KCNK10: variants seen among roughly 807,000 people sequenced by gnomAD.
KCNK10 encodes the protein potassium channel subfamily K member 10.
In KCNK10, 25 loss-of-function variants were observed where a neutral mutation model predicts 47.7. The observed-to-expected ratio is 0.52, with a 90% CI of 0.38 to 0.73. KCNK10 has a LOEUF of 0.73. Among genes scored for constraint, KCNK10 ranks in the 30% least tolerant of loss-of-function variants. The pLI, the probability that KCNK10 is intolerant of heterozygous loss-of-function variation, is 0.00. For missense variants in KCNK10, 563 were observed against 714.5 expected (o/e 0.79, Z 2.42); for synonymous variants, 303 against 285.6 (o/e 1.06, Z -0.61).
intron 2 of KCNK10, among the ~76,000 whole-genome samples, chr14:88,250,046 A>G (rs1886751045): frequency 1.3e-5 from 2 of 152,252 alleles, no homozygotes; most frequent in Admixed American, 6.5e-5. Context: ...AGGAGAACAA[A>G]CCCATGCACA....
At chr14:88,230,853 T>C (rs1886139668) in intron 3 of KCNK10, among the ~76,000 whole-genome samples, 1 of 152,230 alleles carries the variant, frequency 6.6e-6, no homozygotes, top group African/African-American at 2.4e-5. Context: ...ATGAGGCTAA[T>C]AACAGTACCC....
chr14:88,278,814 C>A (rs930941598), intron 1 of KCNK10, among the ~76,000 whole-genome samples: 1 of 152,118 alleles, frequency 6.6e-6, no homozygotes, highest in African/African-American at 2.4e-5. Context: ...GGAGGAGAAA[C>A]AAAGGCATAA....
At position 88,184,046 on chromosome 14, in the gene KCNK10, C is replaced by CA. The variant is rs1166434106; in HGVS notation, c.*1488dup. 3.2e-4 allele frequency: 48 copies of CA among 152,322 alleles called. No homozygotes were observed. Among genetic ancestry groups the CA allele is most frequent in the African/African-American group, 1.2e-3 (48 of 41,430 alleles). The allele number at this position is 152,322 out of a possible 1,614,324, so 9.4% of individuals were successfully genotyped here. On this transcript the variant is annotated 3_prime_UTR_variant, in exon 7 of 7. Transcript: ENST00000319231. ...CCCAAAGAGCTAGCTGTGAACCAGC[C>CA]AATTATGATAAAGACTGAGGCATAC...
chr14:88,190,427 A>G (rs567034612), intron 5 of KCNK10, among the ~76,000 whole-genome samples: 4 of 152,306 alleles, frequency 2.6e-5, no homozygotes, highest in Middle Eastern at 3.4e-3. Context: ...GCTACGGATG[A>G]TGCCAAGGGA....
chr14:88,192,471 A>G, intron 4 of KCNK10, 61 bp from the exon 5 acceptor site: 6 of 1,428,216 alleles, frequency 4.2e-6, no homozygotes, highest in Non-Finnish European at 5.8e-6. Flanking sequence ...TTCAGGATAT[A>G]GATGCACAGA....
Position 88,186,178 on chromosome 14 carries a change from A to G in KCNK10, c.1012-23T>C. The stretch of plus-strand genomic sequence containing the variant: ...CACCTGGCCAAGAGACAGAAGAGCA[A>G]CAATATGCTGACAAATGCCTCCCTG... On this transcript the variant is annotated intron_variant, in intron 6 of 6. Coordinates refer to ENST00000319231, the MANE Select transcript of KCNK10 (RefSeq NM_138317.3). The surrounding 1 kb of genome is among the most constrained non-coding windows in gnomAD (Gnocchi z 5.5). 6.4e-7 allele frequency: 1 copy of G among 1,551,476 alleles called. No homozygotes were observed. The highest frequency in any genetic ancestry group is 8.7e-7 in the Non-Finnish European group (1 of 1,148,346).
At chr14:88,265,524 A>T (rs1418788393) in intron 1 of KCNK10, among the ~76,000 whole-genome samples, 7 of 152,188 alleles carry the variant, frequency 4.6e-5, no homozygotes, top group Non-Finnish European at 1.0e-4. Flanking sequence ...TGAACTTCTG[A>T]CTTCCAGAAC....
At chr14:88,243,712 C>T (rs771450894) in intron 2 of KCNK10, among the ~76,000 whole-genome samples, 16 of 151,864 alleles carry the variant, frequency 1.1e-4, no homozygotes, top group Non-Finnish European at 2.9e-5. Flanking sequence ...GATTTTTATA[C>T]CCTAAGAGGG....
At chr14:88,255,849 G>T (rs535423823) in intron 2 of KCNK10, among the ~76,000 whole-genome samples, 1 of 152,098 alleles carries the variant, frequency 6.6e-6, no homozygotes, top group Non-Finnish European at 1.5e-5. Context: ...AAGAGAGCAA[G>T]ACCCTGTTTT....
At chr14:88,319,113 GA>G (rs1233919558) in intron 1 of KCNK10, among the ~76,000 whole-genome samples, 1 of 152,150 alleles carries the variant, frequency 6.6e-6, no homozygotes, top group African/African-American at 2.4e-5. Context: ...GCTCTTCATA[GA>G]AGTCTCTGTT....
intron 2 of KCNK10, among the ~76,000 whole-genome samples, chr14:88,254,190 T>G (rs941300978): frequency 1.3e-5 from 2 of 152,082 alleles, no homozygotes; most frequent in Non-Finnish European, 2.9e-5. Flanking sequence ...AGGACTGAAG[T>G]GAGCCAAGGA....
chr14:88,263,620 A>G, intron 1 of KCNK10, 69 bp from the exon 2 acceptor site: 1 of 1,355,286 alleles, frequency 7.4e-7, no homozygotes, highest in Non-Finnish European at 1.0e-6. Flanking sequence ...ACGTGTCAGA[A>G]ACAAAGCACA....
At chr14:88,240,645 A>G in intron 3 of KCNK10, 58 bp downstream of exon 3, 1 of 1,097,914 alleles carries the variant, frequency 9.1e-7, no homozygotes, top group Non-Finnish European at 1.4e-6. Flanking sequence ...AACACTGACT[A>G]AGCGCCCTTA....
chr14:88,241,765 T>C (rs1269246508), intron 2 of KCNK10, among the ~76,000 whole-genome samples: 1 of 152,184 alleles, frequency 6.6e-6, no homozygotes, highest in Non-Finnish European at 1.5e-5. Flanking sequence ...GGAGACTTAG[T>C]CTATGCATCA....
chr14:88,325,360 C>G (rs1056886403), upstream of KCNK10, among the ~76,000 whole-genome samples: 54 of 152,170 alleles, frequency 3.5e-4, 1 homozygote, highest in Admixed American at 3.3e-3. Flanking sequence ...GTCCTCAGAG[C>G]ACGGGGAGGC....
At chr14:88,189,819 C>T (rs544973013) in intron 5 of KCNK10, among the ~76,000 whole-genome samples, 9 of 152,306 alleles carry the variant, frequency 5.9e-5, no homozygotes, top group South Asian at 4.1e-4. Context: ...CCCTATCACT[C>T]GCAGACTGTT....
intron 1 of KCNK10, among the ~76,000 whole-genome samples, chr14:88,270,146 G>C (rs1324014219): frequency 6.6e-6 from 1 of 151,066 alleles, no homozygotes; most frequent in African/African-American, 2.4e-5. Context: ...GAATCATTCC[G>C]GGGCCACCTG....
intron 1 of KCNK10, among the ~76,000 whole-genome samples, chr14:88,295,872 A>G (rs1405178193): frequency 6.6e-6 from 1 of 152,036 alleles, no homozygotes; most frequent in African/African-American, 2.4e-5. Flanking sequence ...AAAATATCCT[A>G]TCACTGAGTT....
chr14:88,288,014 G>T (rs561581110), intron 1 of KCNK10, among the ~76,000 whole-genome samples: 68 of 152,014 alleles, frequency 4.5e-4, no homozygotes, highest in African/African-American at 1.4e-3. Context: ...ATTATTTTTT[G>T]ATTTTTTTAT....
Sources: gnomAD v4.1 joint callset for allele counts (sites outside exome capture counted in the v4.1 genomes callset) on GRCh38, gnomAD v4.1.1 for gene constraint, Gnocchi (gnomAD v3.1) non-coding constraint, MANE v1.5 for transcripts, NCBI Gene and HGNC (gene_info 2026-07-23, HGNC 2026-07-21) for gene names.